Variants in SERINC5 observed in about 807,000 individuals in gnomAD.
The protein encoded by SERINC5 is chromosome 5 open reading frame 12.
In SERINC5, 41 loss-of-function variants were observed where a neutral mutation model predicts 63.1. That is an observed-to-expected ratio of 0.65 (90% confidence interval 0.51 to 0.84). SERINC5 has a LOEUF of 0.84. Among genes scored for constraint, SERINC5 ranks in the 40% least tolerant of loss-of-function variants. The pLI is 0.00. For synonymous variants in SERINC5, 222 were observed against 215.2 expected, an observed-to-expected ratio of 1.03 and a Z score of -0.28; for missense variants, 523 against 573.0, an observed-to-expected ratio of 0.91 and a Z score of 0.89.
intron 2 of SERINC5, among the ~76,000 whole-genome samples, chr5:80,200,756 T>C (rs1749786930): frequency 6.6e-6 from 1 of 152,066 alleles, no homozygotes; most frequent in Admixed American, 6.5e-5. Context: ...CAAAGTGCTG[T>C]TAAGAAAATG....
chr5:80,186,921 C>A (rs2112446899), intron 2 of SERINC5, among the ~76,000 whole-genome samples: 1 of 152,092 alleles, frequency 6.6e-6, no homozygotes, highest in South Asian at 2.1e-4. Flanking sequence ...TTGGGGAGGC[C>A]AAGGCGGGCG....
rs1010180267 is a variant in SERINC5, at chr5:80,160,166, T to C, written c.860-1204A>G. Among the ~76,000 whole-genome samples, 17 of 152,242 alleles carry C rather than the reference T, an allele frequency of 1.1e-4. 1 individual carries two copies. Among genetic ancestry groups the C allele is most frequent in the African/African-American group, 3.9e-4 (16 of 41,554 alleles). ...CTTATCTCCAGGTAGAGCATCCGAA[T>C]TGGATTGGAGGACACCCAACTGATG... On this transcript the variant is annotated intron_variant, in intron 7 of 11. Coordinates refer to ENST00000507668, the MANE Select transcript of SERINC5 (RefSeq NM_001174072.3).
At chr5:80,181,657 CTT>C (rs147711800) in intron 2 of SERINC5, among the ~76,000 whole-genome samples, 1 of 151,666 alleles carries the variant, frequency 6.6e-6, no homozygotes, top group East Asian at 1.9e-4. Flanking sequence ...TTTTTTATGA[CTT>C]TTTTTTTACA....
At chr5:80,175,353 C>T (rs535089083) in intron 4 of SERINC5, among the ~76,000 whole-genome samples, 87 of 152,208 alleles carry the variant, frequency 5.7e-4, no homozygotes, top group African/African-American at 2.0e-3. Flanking sequence ...CTAATAGATG[C>T]CCTAATTCAT....
intron 10 of SERINC5, 122 bp from the exon 11 acceptor site, chr5:80,146,356 C>G (rs1580059942): frequency 1.7e-6 from 2 of 1,165,042 alleles, no homozygotes; most frequent in East Asian, 4.7e-5. Flanking sequence ...GCCATCTGTA[C>G]CCTCTGGCAA....
downstream of SERINC5, among the ~76,000 whole-genome samples, chr5:80,135,421 C>A (rs891834598): frequency 6.6e-6 from 1 of 152,172 alleles, no homozygotes; most frequent in Middle Eastern, 3.2e-3. Flanking sequence ...GTGGATAAGG[C>A]TCCACAGGGA....
chr5:80,154,001 GA>G (rs1237329836), intron 8 of SERINC5, among the ~76,000 whole-genome samples: 4 of 152,058 alleles, frequency 2.6e-5, no homozygotes, highest in African/African-American at 9.7e-5. Context: ...CTTTCCTGGA[GA>G]TCACACATTC....
At chr5:80,130,633 A>G (rs1744909449) in intron 11 of SERINC5, among the ~76,000 whole-genome samples, 1 of 152,148 alleles carries the variant, frequency 6.6e-6, no homozygotes, top group African/African-American at 2.4e-5. Flanking sequence ...TCCACTATCT[A>G]CCTAAGTATC....
At chr5:80,130,138 G>A (rs1027287425) in intron 11 of SERINC5, among the ~76,000 whole-genome samples, 6 of 152,228 alleles carry the variant, frequency 3.9e-5, no homozygotes, top group Admixed American at 3.9e-4. Context: ...CCAGCACTTT[G>A]GGAGGCCAAG....
At chr5:80,232,101 T>TAAAA (rs34890012) in intron 1 of SERINC5, among the ~76,000 whole-genome samples, 5 of 119,476 alleles carry the variant, frequency 4.2e-5, no homozygotes, top group African/African-American at 9.5e-5. Flanking sequence ...GATTCTGTCT[T>TAAAA]AAAAAAAAAA....
rs774599257 is a variant in SERINC5 at position 80,203,056 on chromosome 5, A to G, written c.28-3T>C. 1 of 1,601,712 alleles carries G rather than the reference A, an allele frequency of 6.2e-7. No individual in the cohort carries two copies. Among genetic ancestry groups the G allele is most frequent in the Non-Finnish European group, 8.5e-7 (1 of 1,173,578 alleles). ...GCAGACCCACAGCAGCAGGCCAGCT[A>G]GAAAAGGAACAGAAGGCATCTGCTT... is the stretch of plus-strand genomic sequence containing the variant. On this transcript the variant is annotated splice_polypyrimidine_tract_variant and splice_region_variant and intron_variant, in intron 1 of 11. Coordinates refer to ENST00000507668, the MANE Select transcript of SERINC5 (RefSeq NM_001174072.3).
chr5:80,184,929 T>C (rs912485299), intron 2 of SERINC5, among the ~76,000 whole-genome samples: 5 of 152,020 alleles, frequency 3.3e-5, no homozygotes, highest in African/African-American at 1.2e-4. Flanking sequence ...CAGGCTGGAG[T>C]GCAGTGGCGC....
In SERINC5 at chr5:80,142,745, A is replaced by G. The variant is rs544231993; in HGVS notation, c.*918T>C. 1.0e-6 allele frequency: 1 copy of G among 985,500 alleles called. No homozygotes were observed. The highest frequency in any genetic ancestry group is 1.7e-5 in the African/African-American group (1 of 57,376). The allele number at this position is 985,500 out of a possible 1,614,324, so 61.0% of individuals were successfully genotyped here. On this transcript the variant is annotated 3_prime_UTR_variant, in exon 12 of 12. Coordinates refer to ENST00000507668, the MANE Select transcript of SERINC5 (RefSeq NM_001174072.3). Reference sequence around the variant, plus strand: ...CAACAACTGAAAGAGCAGTGCATGCAGCAGGCTTCAACACGAAGCAGCTTT... The same window carrying G: ...CAACAACTGAAAGAGCAGTGCATGCGGCAGGCTTCAACACGAAGCAGCTTT...
At position 80,143,854 on chromosome 5, in the gene SERINC5, T is replaced by C. The variant is rs184344852; in HGVS notation, c.1239-44A>G. On this transcript the variant is annotated intron_variant, in intron 11 of 11. Coordinates refer to ENST00000507668, the MANE Select transcript of SERINC5 (RefSeq NM_001174072.3). The stretch of plus-strand genomic sequence containing the variant: ...TAGCCGCGGTCAAAGCAGGAATATA[T>C]TGAGATACAATTCACTAATTCACAT... The C allele has an allele frequency of 2.6e-5, 40 of 1,531,586 alleles. No individual in the cohort carries two copies. In the East Asian group the frequency reaches 5.9e-4, roughly 23 times the overall value. 94.9% of individuals were successfully genotyped at this position (1,531,586 alleles called of 1,614,324 possible).
At chr5:80,134,116 C>G (rs1308810502), downstream of SERINC5, among the ~76,000 whole-genome samples, 1 of 152,186 alleles carries the variant, frequency 6.6e-6, no homozygotes, top group African/African-American at 2.4e-5. Context: ...TTTGTTAGTC[C>G]TGCAAAGGCA....
At chr5:80,229,601 C>T (rs1751349877) in intron 1 of SERINC5, among the ~76,000 whole-genome samples, 1 of 151,560 alleles carries the variant, frequency 6.6e-6, no homozygotes, top group Admixed American at 6.6e-5. Context: ...AATACAAAAA[C>T]ACAGACATTC....
intron 11 of SERINC5, among the ~76,000 whole-genome samples, chr5:80,121,080 T>C (rs1744524866): frequency 6.6e-6 from 1 of 152,006 alleles, no homozygotes; most frequent in Admixed American, 6.6e-5. Flanking sequence ...AGAGATGGGG[T>C]TTCTCCATGT....
chr5:80,157,329 C>T (rs1445484110), intron 8 of SERINC5: 2 of 151,472 alleles, frequency 1.3e-5, no homozygotes, highest in Non-Finnish European at 2.9e-5. Flanking sequence ...TACCCAGTAA[C>T]CCACAAAAAC....
chr5:80,209,226 G>C (rs967969716), intron 1 of SERINC5, among the ~76,000 whole-genome samples: 1 of 152,158 alleles, frequency 6.6e-6, no homozygotes, highest in African/African-American at 2.4e-5. Context: ...AGCCGAGATC[G>C]CGCCACTGCA....
Sources: gnomAD v4.1 joint callset for allele counts (sites outside exome capture counted in the v4.1 genomes callset) on GRCh38, gnomAD v4.1.1 for gene constraint, MANE v1.5 for transcripts, NCBI Gene and HGNC (gene_info 2026-07-23, HGNC 2026-07-21) for gene names.